The following FAM227B variants were observed in gnomAD, a reference collection of about 807,000 sequenced individuals.
FAM227B encodes family with sequence similarity 227 member B.
Under a neutral mutation model 73.8 loss-of-function variants are expected in FAM227B, and 88 were observed. The observed-to-expected ratio is 1.19, with a 90% CI of 1.00 to 1.42. The LOEUF is 1.42. FAM227B is among the 40% of genes most tolerant of loss of function. The pLI, the probability that FAM227B is intolerant of heterozygous loss-of-function variation, is 0.00. For synonymous variants in FAM227B, 210 were observed against 190.5 expected, an observed-to-expected ratio of 1.10 and a Z score of -0.84; for missense variants, 632 against 590.9, an observed-to-expected ratio of 1.07 and a Z score of -0.72.
intron 11 of FAM227B, chr15:49,425,287 A>G (rs958882949): frequency 8.6e-5 from 13 of 151,970 alleles, no homozygotes; most frequent in African/African-American, 3.1e-4. Flanking sequence ...GCTGGAAGAG[A>G]TGGTAATTCC....
chr15:49,375,098 T>C (rs780376129), intron 11 of FAM227B, among the ~76,000 whole-genome samples: 2 of 152,186 alleles, frequency 1.3e-5, no homozygotes, highest in African/African-American at 2.4e-5. Context: ...ACCTTCTCAA[T>C]GCTCTAAATT....
intron 2 of FAM227B, 106 bp downstream of exon 2, chr15:49,615,015 G>A (rs2078198992): frequency 1.0e-6 from 1 of 971,950 alleles, no homozygotes; most frequent in Non-Finnish European, 1.7e-6. Context: ...CAAACCCTTG[G>A]TGTTTCAGTG....
chr15:49,400,812 A>C lies in FAM227B; in HGVS notation c.1013-29413T>G, dbSNP rs2048082870. On this transcript the variant is annotated intron_variant, in intron 11 of 15. Transcript: ENST00000299338. ...TGGCTAGCCATATGCAGAAAGCTGA[A>C]ACTTGATCCCTTCCTTACACCTTAT... Among the ~76,000 whole-genome samples, 4 of 151,078 alleles carry C rather than the reference A, an allele frequency of 2.6e-5. No individual in the cohort carries two copies. In the South Asian group the frequency reaches 8.5e-4, roughly 32 times the overall value.
chr15:49,410,127 G>A (rs550272260), intron 11 of FAM227B, among the ~76,000 whole-genome samples: 1 of 152,094 alleles, frequency 6.6e-6, no homozygotes, highest in East Asian at 1.9e-4. Context: ...ATCTTCTAAA[G>A]CACCCTATTT....
At chr15:49,442,885 C>G (rs568821151) in intron 11 of FAM227B, among the ~76,000 whole-genome samples, 1 of 151,824 alleles carries the variant, frequency 6.6e-6, no homozygotes, top group Non-Finnish European at 1.5e-5. Flanking sequence ...GCTCACACCA[C>G]TAATGATTAG....
At chr15:49,519,984 T>C (rs1370218708) in intron 10 of FAM227B, among the ~76,000 whole-genome samples, 1 of 152,212 alleles carries the variant, frequency 6.6e-6, no homozygotes, top group Non-Finnish European at 1.5e-5. Flanking sequence ...TAAAGCTGAA[T>C]GCTTTTAAGA....
intron 11 of FAM227B, among the ~76,000 whole-genome samples, chr15:49,472,485 A>G (rs575525556): frequency 6.6e-6 from 1 of 152,238 alleles, no homozygotes; most frequent in African/African-American, 2.4e-5. Context: ...ACTTGGTCAC[A>G]TGGCCACATT....
At chr15:49,454,691 C>A (rs2053106456) in intron 11 of FAM227B, among the ~76,000 whole-genome samples, 1 of 152,152 alleles carries the variant, frequency 6.6e-6, no homozygotes, top group Admixed American at 6.5e-5. Flanking sequence ...CTCACTGCAA[C>A]CTCTGCCTCC....
intron 13 of FAM227B, among the ~76,000 whole-genome samples, chr15:49,360,916 G>A (rs10775140): frequency 0.66 from 100,406 of 151,904 alleles, 33,701 homozygotes; most frequent in African/African-American, 0.74. Flanking sequence ...CATACCTCCA[G>A]TCTACTCAGT....
chr15:49,430,660 G>C (rs932889244), intron 11 of FAM227B, among the ~76,000 whole-genome samples: 4 of 151,888 alleles, frequency 2.6e-5, no homozygotes, highest in African/African-American at 9.7e-5. Flanking sequence ...GTGGAAGGTA[G>C]AAGGGCAAGA....
chr15:49,507,976 A>C (rs2058703435), intron 11 of FAM227B, among the ~76,000 whole-genome samples: 1 of 152,184 alleles, frequency 6.6e-6, no homozygotes. Context: ...AAAAGTGAGA[A>C]TATATGTAGT....
At chr15:49,542,236 T>G (rs1276982897) in intron 9 of FAM227B, among the ~76,000 whole-genome samples, 1 of 152,188 alleles carries the variant, frequency 6.6e-6, no homozygotes, top group South Asian at 2.1e-4. Flanking sequence ...TTATAAACAT[T>G]AGTACAATTT....
intron 13 of FAM227B, chr15:49,366,422 A>G (rs978121886): frequency 1.1e-6 from 1 of 872,364 alleles, no homozygotes; most frequent in South Asian, 1.3e-5. Flanking sequence ...TTGCACCACA[A>G]CTGCTTTGTT....
intron 13 of FAM227B, among the ~76,000 whole-genome samples, chr15:49,345,785 T>G (rs1342430993): frequency 6.6e-6 from 1 of 152,202 alleles, no homozygotes; most frequent in African/African-American, 2.4e-5. Flanking sequence ...TCATCTCCCT[T>G]TATAATCACA....
chr15:49,363,607 C>T (rs1248213395), intron 13 of FAM227B, among the ~76,000 whole-genome samples: 1 of 152,050 alleles, frequency 6.6e-6, no homozygotes, highest in Non-Finnish European at 1.5e-5. Flanking sequence ...TATTTGAATG[C>T]CTTTTACTTC....
At chr15:49,495,761 T>C (rs938369319) in intron 11 of FAM227B, among the ~76,000 whole-genome samples, 4 of 152,128 alleles carry the variant, frequency 2.6e-5, no homozygotes, top group African/African-American at 9.7e-5. Flanking sequence ...TGGTGGCTCG[T>C]GCTTTAATCC....
chr15:49,355,521 A>G (rs1257141902), intron 13 of FAM227B, among the ~76,000 whole-genome samples: 9 of 152,178 alleles, frequency 5.9e-5, no homozygotes, highest in Non-Finnish European at 8.8e-5. Context: ...GAAATGAAGC[A>G]AGAAGGGAAG....
At chr15:49,507,262 C>G (rs1355177298) in intron 11 of FAM227B, among the ~76,000 whole-genome samples, 1 of 152,040 alleles carries the variant, frequency 6.6e-6, no homozygotes, top group Non-Finnish European at 1.5e-5. Flanking sequence ...ATTCTCAGAT[C>G]TGAAGAAGAA....
chr15:49,421,833 C>T (rs1483151275), intron 11 of FAM227B, among the ~76,000 whole-genome samples: 1 of 152,124 alleles, frequency 6.6e-6, no homozygotes, highest in Non-Finnish European at 1.5e-5. Context: ...CCTTCTCTTC[C>T]TCCTTTTAGA....
Sources: gnomAD v4.1 joint callset for allele counts (sites outside exome capture counted in the v4.1 genomes callset) on GRCh38, gnomAD v4.1.1 for gene constraint, MANE v1.5 for transcripts, NCBI Gene and HGNC (gene_info 2026-07-23, HGNC 2026-07-21) for gene names.